Variants in SHLD1 observed in about 807,000 individuals in gnomAD.
SHLD1 encodes the protein shieldin complex subunit 1, also known as RINN1-REV7-interacting novel NHEJ regulator 3.
SHLD1 carries 3 observed loss-of-function variants against 5.5 expected under a neutral mutation model. That is an observed-to-expected ratio of 0.54 (90% confidence interval 0.25 to 1.40). The LOEUF (loss-of-function observed/expected upper bound fraction) is 1.40. SHLD1 is among the 40% of genes most tolerant of loss of function. SHLD1 has a pLI of 0.15. For synonymous variants in SHLD1, 92 were observed against 94.3 expected (o/e 0.98, Z 0.14); for missense variants, 210 against 244.4 (o/e 0.86, Z 0.94).
chr20:5,773,057 T>C lies in SHLD1; in HGVS notation c.178+14T>C. On this transcript the variant is annotated intron_variant, in intron 2 of 2. Transcript: ENST00000303142. ...ATGTGGATCCAGGTAATAAGCAGAG[T>C]TTAAAACAAACTAACTTAAAAACAA... The C allele has an allele frequency of 6.2e-7, 1 of 1,614,072 alleles. No homozygotes were observed. Among genetic ancestry groups the C allele is most frequent in the Non-Finnish European group, 8.5e-7 (1 of 1,179,904 alleles).
At chr20:5,829,015 A>C (rs529203441) in intron 2 of SHLD1, among the ~76,000 whole-genome samples, 3 of 152,264 alleles carry the variant, frequency 2.0e-5, no homozygotes, top group South Asian at 2.1e-4. Context: ...CCGAGACTAC[A>C]GGCATGCACC....
chr20:5,783,684 C>T (rs1025878896), intron 2 of SHLD1, among the ~76,000 whole-genome samples: 2 of 152,152 alleles, frequency 1.3e-5, no homozygotes, highest in Admixed American at 6.6e-5. Context: ...GACTGAGGCT[C>T]ACAGAGTTAG....
intron 1 of SHLD1, among the ~76,000 whole-genome samples, chr20:5,761,242 AC>A (rs1218309779): frequency 6.6e-6 from 1 of 152,036 alleles, no homozygotes; most frequent in African/African-American, 2.4e-5. Context: ...AACATCACAC[AC>A]TGGGGCCTGT....
At chr20:5,844,871 T>C (rs1029848978) in intron 2 of SHLD1, among the ~76,000 whole-genome samples, 9 of 149,476 alleles carry the variant, frequency 6.0e-5, no homozygotes, top group African/African-American at 2.2e-4. Context: ...CTCGGTTCAC[T>C]GCAACCTCCG....
At chr20:5,850,119 A>AATAATAATAATAATC (rs2087988228) in intron 2 of SHLD1, among the ~76,000 whole-genome samples, 1 of 118,760 alleles carries the variant, frequency 8.4e-6, no homozygotes, top group Non-Finnish European at 1.7e-5. Context: ...TCTCAATAAT[A>AATAATAATAATAATC]ATAATAATAA....
intron 1 of SHLD1, among the ~76,000 whole-genome samples, chr20:5,769,637 GA>G (rs1450304048): frequency 4.6e-5 from 7 of 152,156 alleles, no homozygotes; most frequent in Non-Finnish European, 7.3e-5. Flanking sequence ...TAAGTTATGT[GA>G]ATGTGGTCTC....
chr20:5,810,247 A>G (rs542338074), intron 2 of SHLD1, among the ~76,000 whole-genome samples: 3 of 150,952 alleles, frequency 2.0e-5, no homozygotes, highest in African/African-American at 7.4e-5. Flanking sequence ...ACAAAGCAAG[A>G]CTCTGTCTCG....
At chr20:5,753,576 G>A (rs986139820) in intron 1 of SHLD1, among the ~76,000 whole-genome samples, 5 of 152,224 alleles carry the variant, frequency 3.3e-5, no homozygotes, top group African/African-American at 1.2e-4. Flanking sequence ...ATAGGTAAAT[G>A]CCGGCAGCTG....
chr20:5,849,907 C>T lies in SHLD1; in HGVS notation c.179-13117C>T, dbSNP rs1210704233. On this transcript the variant is annotated intron_variant, in intron 2 of 2. Transcript: ENST00000303142. The stretch of plus-strand genomic sequence containing the variant: ...CCGGGAAGCGGAGCTTGCAGTGAGC[C>T]GAGATTCCGCCACTGCAGTCCGCAG... 5.0e-5 allele frequency among the ~76,000 whole-genome samples: 7 copies of T among 140,878 alleles called. No individual in the cohort carries two copies. The South Asian group carries it at 6.6e-4, about 13-fold the overall frequency. 92.4% of individuals were successfully genotyped at this position (140,878 alleles called of 152,430 possible). A position where few individuals can be genotyped will look rare whatever the true frequency, so the allele number is the denominator to read the frequency against.
chr20:5,817,432 C>CTCTCTCTCTCTCTCTGTGTG (rs1473391202), intron 2 of SHLD1, among the ~76,000 whole-genome samples: 5 of 85,664 alleles, frequency 5.8e-5, no homozygotes, highest in South Asian at 9.8e-4. Context: ...CTCTCTCTCT[C>CTCTCTCTCTCTCTCTGTGTG]TGTGTGTGTG....
At chr20:5,840,990 T>C (rs183241011) in intron 2 of SHLD1, among the ~76,000 whole-genome samples, 1 of 152,352 alleles carries the variant, frequency 6.6e-6, no homozygotes, top group African/African-American at 2.4e-5. Context: ...AAGATATTTA[T>C]TAGTTTCTTT....
intron 2 of SHLD1, among the ~76,000 whole-genome samples, chr20:5,781,389 C>T (rs2086987350): frequency 6.6e-6 from 1 of 152,092 alleles, no homozygotes. Context: ...CAGAGTGAGA[C>T]CCTCTTTCTA....
At chr20:5,799,253 C>T (rs1413831006) in intron 2 of SHLD1, among the ~76,000 whole-genome samples, 1 of 151,386 alleles carries the variant, frequency 6.6e-6, no homozygotes, top group Non-Finnish European at 1.5e-5. Context: ...CATTCCCTCC[C>T]CTCCCCTCCC....
At chr20:5,799,604 G>A (rs6053714) in intron 2 of SHLD1, among the ~76,000 whole-genome samples, 7,003 of 151,132 alleles carry the variant, frequency 0.046, 531 homozygotes, top group African/African-American at 0.16. Context: ...GTGAGCCACC[G>A]CGCCCAGCCT....
chr20:5,787,584 C>T (rs1228582136), intron 2 of SHLD1, among the ~76,000 whole-genome samples: 1 of 152,210 alleles, frequency 6.6e-6, no homozygotes, highest in Non-Finnish European at 1.5e-5. Flanking sequence ...TGCCCACTGC[C>T]TGGCCTAATC....
chr20:5,781,937 G>A (rs2086994608), intron 2 of SHLD1, among the ~76,000 whole-genome samples: 1 of 152,146 alleles, frequency 6.6e-6, no homozygotes, highest in African/African-American at 2.4e-5. Flanking sequence ...GACTGTACAG[G>A]TGCACACGAG....
chr20:5,849,094 T>A (rs2122487905), intron 2 of SHLD1, among the ~76,000 whole-genome samples: 1 of 152,320 alleles, frequency 6.6e-6, no homozygotes, highest in South Asian at 2.1e-4. Context: ...CTAAAATATA[T>A]GAATCGTGGA....
chr20:5,787,051 ATCTTTGGGTTTGCAT>A (rs1433328430), intron 2 of SHLD1, among the ~76,000 whole-genome samples: 3 of 152,230 alleles, frequency 2.0e-5, no homozygotes, highest in Non-Finnish European at 2.9e-5. Flanking sequence ...TTTCCCCTGT[ATCTTTGGGTTTGCAT>A]TCTGAAGGCT....
At chr20:5,813,862 T>C (rs2087491998) in intron 2 of SHLD1, among the ~76,000 whole-genome samples, 1 of 151,142 alleles carries the variant, frequency 6.6e-6, no homozygotes, top group Admixed American at 6.6e-5. Context: ...AGAGCAAAAA[T>C]GAAACAAACA....
Sources: gnomAD v4.1 joint callset for allele counts (sites outside exome capture counted in the v4.1 genomes callset) on GRCh38, gnomAD v4.1.1 for gene constraint, MANE v1.5 for transcripts, NCBI Gene and HGNC (gene_info 2026-07-23, HGNC 2026-07-21) for gene names.